PDLIM3: variants seen among roughly 807,000 people sequenced by gnomAD.
PDLIM3 encodes the protein PDZ and LIM domain protein 3.
In PDLIM3, 36 loss-of-function variants were observed where a neutral mutation model predicts 37.3. That is an observed-to-expected ratio of 0.97 (90% CI 0.74 to 1.28). The LOEUF is 1.28. Ranked by LOEUF, PDLIM3 falls within the 50% of genes most tolerant of loss-of-function variation. PDLIM3 has a pLI of 0.00. For synonymous variants in PDLIM3, 174 were observed against 182.4 expected (o/e 0.95, Z 0.37); for missense variants, 454 against 485.0 (o/e 0.94, Z 0.60).
chr4:185,523,860 C>T (rs966526012), intron 2 of PDLIM3, among the ~76,000 whole-genome samples: 2 of 151,840 alleles, frequency 1.3e-5, no homozygotes, highest in East Asian at 1.9e-4. Flanking sequence ...TCAAGTGATC[C>T]GCCCAGTTCG....
Position 185,508,351 on chromosome 4 carries a change from C to G in PDLIM3, c.610G>C (p.Glu204Gln). Residue 204 changes from glutamate (E) to glutamine (Q), a missense_variant, in exon 5 of 8, where the codon GAA becomes CAA. Transcript: ENST00000284767. ...MQLYSDDNIM[E>Q]TLQGQVSTAL... ...GTTGAAACCTGACCCTGGAGTGTTTCCATAATATTGTCATCTGAGTACAAC... is the reference window on the plus strand; with the variant it reads ...GTTGAAACCTGACCCTGGAGTGTTTGCATAATATTGTCATCTGAGTACAAC... 1 of 1,614,080 alleles carries G rather than the reference C, an allele frequency of 6.2e-7. No homozygotes were observed. The highest frequency in any genetic ancestry group is 8.5e-7 in the Non-Finnish European group (1 of 1,179,966).
chr4:185,509,021 A>G (rs1406971767), intron 4 of PDLIM3, among the ~76,000 whole-genome samples: 1 of 152,234 alleles, frequency 6.6e-6, no homozygotes, highest in African/African-American at 2.4e-5. Context: ...TTTAGTGAAC[A>G]CTGAATATGC....
At chr4:185,511,079 T>C (rs1470760792) in intron 4 of PDLIM3, among the ~76,000 whole-genome samples, 2 of 152,238 alleles carry the variant, frequency 1.3e-5, no homozygotes, top group Non-Finnish European at 2.9e-5. Flanking sequence ...GATACGTCAT[T>C]TGACAGATTG....
chr4:185,502,446 G>C lies in PDLIM3; in HGVS notation c.943C>G (p.Pro315Ala). 6.2e-7 allele frequency: 1 copy of C among 1,614,170 alleles called. No individual in the cohort carries two copies. The highest frequency in any genetic ancestry group is 8.5e-7 in the Non-Finnish European group (1 of 1,180,026). The change falls in exon 8 of 8, where the codon CCT (proline) becomes GCT (alanine). Residue 315 changes from proline to alanine, a missense_variant. By Grantham distance (27) the Pro-to-Ala change is conservative (BLOSUM62 -1). Coordinates refer to ENST00000284767, the MANE Select transcript of PDLIM3 (RefSeq NM_014476.6). ...CAGTCGGCACACACGAAGCACTCAG[G>C]GTGCCGGTACTTATCCCGCGCCTTC... Reference protein sequence around the residue: ...VVKARDKYRHPECFVCADCNL... With the variant: ...VVKARDKYRHAECFVCADCNL...
chr4:185,529,715 A>G (rs897718620), intron 1 of PDLIM3, among the ~76,000 whole-genome samples: 13 of 152,332 alleles, frequency 8.5e-5, no homozygotes, highest in African/African-American at 3.1e-4. Context: ...GGGAACCATC[A>G]CCGTATTACT....
intron 3 of PDLIM3, chr4:185,515,633 A>T (rs1050703437): frequency 6.6e-6 from 1 of 152,128 alleles, no homozygotes; most frequent in African/African-American, 2.4e-5. Flanking sequence ...GAGAGAGAAA[A>T]TGTGTATGGT....
At chr4:185,528,642 T>C (rs771552525) in intron 1 of PDLIM3, among the ~76,000 whole-genome samples, 33 of 152,230 alleles carry the variant, frequency 2.2e-4, no homozygotes, top group Non-Finnish European at 4.1e-4. Flanking sequence ...CACCAGCTCC[T>C]TCAGAAGTCA....
At chr4:185,524,575 A>G (rs1487597173) in intron 2 of PDLIM3, among the ~76,000 whole-genome samples, 3 of 152,226 alleles carry the variant, frequency 2.0e-5, no homozygotes, top group Admixed American at 6.5e-5. Context: ...AAAACAGCCA[A>G]TGGCAGACAG....
chr4:185,504,613 G>A lies in PDLIM3; in HGVS notation c.794-27C>T. ...TGAAAAACAAAGCGTTTCCATTTAT[G>A]GCTAGGGAACAGCTGGCCGCAGCCT... On this transcript the variant is annotated intron_variant, in intron 6 of 7. Transcript: ENST00000284767. The surrounding 1 kb of genome is among the most constrained non-coding windows in gnomAD (Gnocchi z 4.7). 3 of 1,576,386 alleles carry A rather than the reference G, an allele frequency of 1.9e-6. No individual in the cohort carries two copies. Among genetic ancestry groups the A allele is most frequent in the Non-Finnish European group, 2.6e-6 (3 of 1,147,522 alleles).
rs1413415446 is a variant in PDLIM3 at position 185,522,130 on chromosome 4, C to G, written c.330+1232G>C. ...TTTAACTGAAAATAAAGCTTTGTTC[C>G]ATTTGTCACGACCCTCGTAATAGCA... On this transcript the variant is annotated intron_variant, in intron 3 of 7. Coordinates refer to ENST00000284767, the MANE Select transcript of PDLIM3 (RefSeq NM_014476.6). 1.1e-4 allele frequency among the ~76,000 whole-genome samples: 7 copies of G among 66,416 alleles called. 2 individuals carry two copies. The highest frequency in any genetic ancestry group is 1.9e-4 in the African/African-American group (7 of 36,462). 43.6% of individuals were successfully genotyped at this position (66,416 alleles called of 152,430 possible).
In PDLIM3 at chr4:185,523,356, G is replaced by A. The variant is rs373377356; in HGVS notation, c.330+6C>T. ...CAATGTGTATCATTTGCTCTAAAAC[G>A]CATACCTGTGGTTCTGATTCTAAGT... On this transcript the variant is annotated splice_donor_region_variant and intron_variant, in intron 3 of 7. Coordinates refer to ENST00000284767, the MANE Select transcript of PDLIM3 (RefSeq NM_014476.6). The A allele has an allele frequency of 3.0e-5, 48 of 1,585,306 alleles. No homozygotes were observed. Among genetic ancestry groups the A allele is most frequent in the Middle Eastern group, 1.7e-4 (1 of 6,010 alleles).
In PDLIM3 at chr4:185,500,912, G is replaced by A; in HGVS notation, c.*1382C>T. On this transcript the variant is annotated 3_prime_UTR_variant, in exon 8 of 8. Coordinates refer to ENST00000284767, the MANE Select transcript of PDLIM3 (RefSeq NM_014476.6). ...CAGGCCAGAAGTTAGCAGCTGTGGGGGTTGAGGGGTGGTAGAGATGACCAT... is the reference window on the plus strand; with the variant it reads ...CAGGCCAGAAGTTAGCAGCTGTGGGAGTTGAGGGGTGGTAGAGATGACCAT... 6.6e-6 allele frequency: 1 copy of A among 152,570 alleles called. No homozygotes were observed. The allele number at this position is 152,570 out of a possible 1,614,324, so 9.5% of individuals were successfully genotyped here.
intron 4 of PDLIM3, 63 bp from the exon 5 acceptor site, chr4:185,508,625 AAC>A: frequency 2.0e-6 from 3 of 1,529,328 alleles, no homozygotes; most frequent in Non-Finnish European, 2.7e-6. Context: ...CAGACAGAAG[AAC>A]ACAGAGAACA....
At chr4:185,524,251 C>A (rs1370711524) in intron 2 of PDLIM3, among the ~76,000 whole-genome samples, 1 of 152,164 alleles carries the variant, frequency 6.6e-6, no homozygotes, top group Non-Finnish European at 1.5e-5. Context: ...GGCATGAACA[C>A]AGGTTATGCA....
Position 185,514,820 on chromosome 4 carries a change from T to A in PDLIM3, c.331-483A>T. 1 of 1,551,732 alleles carries A rather than the reference T, an allele frequency of 6.4e-7. No individual in the cohort carries two copies. The highest frequency in any genetic ancestry group is 8.7e-7 in the Non-Finnish European group (1 of 1,147,006). ...GGAAGCGCTCACTACCTGTCTTTTG[T>A]CATCAATGTTTGCAGCTGCAACAAA... On this transcript the variant is annotated intron_variant, in intron 3 of 7. Transcript: ENST00000284767. The surrounding 1 kb of genome is among the most constrained non-coding windows in gnomAD (Gnocchi z 4.0).
intron 4 of PDLIM3, among the ~76,000 whole-genome samples, chr4:185,510,101 A>G (rs11929970): frequency 0.03 from 4,540 of 152,330 alleles, 224 homozygotes; most frequent in African/African-American, 0.1. Flanking sequence ...TGTACGATCT[A>G]TAGTGACTCT....
chr4:185,506,485 T>C, intron 6 of PDLIM3, 37 bp downstream of exon 6: 1 of 1,612,708 alleles, frequency 6.2e-7, no homozygotes, highest in African/African-American at 1.3e-5. Flanking sequence ...CAGTGGCCTC[T>C]ATCAATACGT....
At chr4:185,511,566 G>A (rs2095706678) in intron 4 of PDLIM3, among the ~76,000 whole-genome samples, 1 of 151,942 alleles carries the variant, frequency 6.6e-6, no homozygotes, top group Non-Finnish European at 1.5e-5. Flanking sequence ...TCATCACGTT[G>A]GCCAGGCTGG....
At chr4:185,532,537 G>A (rs1259882267) in intron 1 of PDLIM3, among the ~76,000 whole-genome samples, 1 of 152,174 alleles carries the variant, frequency 6.6e-6, no homozygotes, top group African/African-American at 2.4e-5. Context: ...GGTATCAGGA[G>A]CAAAGACACG....
Sources: allele counts gnomAD v4.1 joint callset (sites outside exome capture counted in the v4.1 genomes callset), GRCh38; gene constraint gnomAD v4.1.1; non-coding constraint Gnocchi (gnomAD v3.1); transcripts MANE v1.5; gene names NCBI Gene and HGNC (gene_info 2026-07-23, HGNC 2026-07-21).